FRMD4B: variants seen among roughly 807,000 people sequenced by gnomAD.
FRMD4B encodes FERM domain-containing protein 4B.
FRMD4B carries 74 observed loss-of-function variants against 141.5 expected under a neutral mutation model. The ratio of observed to expected loss-of-function variants is 0.52; its 90% CI spans 0.43 to 0.63. The LOEUF is 0.63. Ranked by LOEUF, FRMD4B falls within the 30% of genes least tolerant of loss-of-function variation. The pLI is 0.00. For synonymous variants in FRMD4B, 506 were observed against 467.9 expected, an observed-to-expected ratio of 1.08 and a Z score of -1.05; for missense variants, 1,366 against 1,253.4, an observed-to-expected ratio of 1.09 and a Z score of -1.36.
At chr3:69,329,506 T>C (rs182650368) in intron 1 of FRMD4B, among the ~76,000 whole-genome samples, 5 of 135,842 alleles carry the variant, frequency 3.7e-5, no homozygotes, top group Admixed American at 7.7e-5. Context: ...TGCACCACCA[T>C]GCCCAGCTAA....
intron 1 of FRMD4B, among the ~76,000 whole-genome samples, chr3:69,348,022 C>CA (rs1489074795): frequency 2.0e-5 from 3 of 151,912 alleles, no homozygotes; most frequent in South Asian, 2.1e-4. Flanking sequence ...AAAAACCCTT[C>CA]AAAAAATCAA....
Position 69,313,217 on chromosome 3 carries a change from G to A in FRMD4B, c.228+235C>T, listed in dbSNP as rs1701662769. ...CTGAGACTGGAACTCAAGTGTCTCT[G>A]AATCCATGTCACCAGGCTATAATTA... On this transcript the variant is annotated intron_variant, in intron 2 of 22. Transcript: ENST00000398540. Among the ~76,000 whole-genome samples the A allele has an allele frequency of 4.6e-5, 7 of 152,324 alleles. No homozygotes were observed. The South Asian group carries it at 1.4e-3, about 32-fold the overall frequency.
chr3:69,363,108 C>T (rs1424899667), intron 1 of FRMD4B, among the ~76,000 whole-genome samples: 5 of 152,016 alleles, frequency 3.3e-5, no homozygotes, highest in African/African-American at 7.2e-5. Flanking sequence ...TTAGCAATAT[C>T]GTAAAAGTCC....
chr3:69,305,532 A>T (rs1313283107), intron 3 of FRMD4B, among the ~76,000 whole-genome samples: 1 of 152,246 alleles, frequency 6.6e-6, no homozygotes. Flanking sequence ...TGTGTCTTAA[A>T]ATACATAACA....
At chr3:69,493,137 C>A (rs1303077484) in intron 1 of FRMD4B, among the ~76,000 whole-genome samples, 3 of 152,238 alleles carry the variant, frequency 2.0e-5, no homozygotes, top group African/African-American at 7.2e-5. Context: ...CTCACACTCA[C>A]ATGCATGACT....
intron 1 of FRMD4B, among the ~76,000 whole-genome samples, chr3:69,514,686 T>TTAAA (rs58643773): frequency 0.32 from 46,357 of 142,884 alleles, 7,825 homozygotes; most frequent in Admixed American, 0.48. Context: ...AGACTCCATC[T>TTAAA]TAAATAAATA....
intron 1 of FRMD4B, among the ~76,000 whole-genome samples, chr3:69,477,300 C>T (rs1706018652): frequency 6.7e-6 from 1 of 148,258 alleles, no homozygotes; most frequent in Non-Finnish European, 1.5e-5. Flanking sequence ...AAAGGGAATG[C>T]TTCCAGTTTT....
chr3:69,491,005 C>A (rs1176154474), intron 1 of FRMD4B, among the ~76,000 whole-genome samples: 1 of 152,126 alleles, frequency 6.6e-6, no homozygotes, highest in Non-Finnish European at 1.5e-5. Context: ...GAGACTGATT[C>A]CAGAAAAATA....
chr3:69,482,154 T>C (rs1045187304), intron 1 of FRMD4B, among the ~76,000 whole-genome samples: 4 of 152,210 alleles, frequency 2.6e-5, no homozygotes, highest in African/African-American at 9.6e-5. Context: ...GCAAAAGTTT[T>C]CCTGCAGACC....
chr3:69,307,394 G>A (rs1238891627), intron 3 of FRMD4B, among the ~76,000 whole-genome samples: 1 of 152,128 alleles, frequency 6.6e-6, no homozygotes, highest in Non-Finnish European at 1.5e-5. Context: ...CACCCAGGCT[G>A]GAGTGGCACA....
At chr3:69,254,606 C>A (rs2093481891) in intron 5 of FRMD4B, among the ~76,000 whole-genome samples, 2 of 152,116 alleles carry the variant, frequency 1.3e-5, no homozygotes, top group Non-Finnish European at 2.9e-5. Flanking sequence ...CATGAGCCTC[C>A]TGATCATAAG....
At chr3:69,431,654 G>A (rs1193068153) in intron 2 of FRMD4B, among the ~76,000 whole-genome samples, 2 of 152,272 alleles carry the variant, frequency 1.3e-5, no homozygotes, top group East Asian at 1.9e-4. Context: ...TACAGATGAG[G>A]AAACTGAGGC....
intron 2 of FRMD4B, among the ~76,000 whole-genome samples, chr3:69,416,241 T>A (rs1704857263): frequency 6.6e-6 from 1 of 152,190 alleles, no homozygotes; most frequent in Non-Finnish European, 1.5e-5. Context: ...AAAGCAGGTG[T>A]TCCAAGGATC....
chr3:69,461,590 C>A (rs1575810526), intron 1 of FRMD4B, among the ~76,000 whole-genome samples: 1 of 136,304 alleles, frequency 7.3e-6, no homozygotes, highest in African/African-American at 2.8e-5. Flanking sequence ...CATCACTGCA[C>A]TCCGCCCTGG....
intron 1 of FRMD4B, among the ~76,000 whole-genome samples, chr3:69,499,585 A>T (rs971970278): frequency 6.6e-6 from 1 of 152,188 alleles, no homozygotes; most frequent in Admixed American, 6.5e-5. Flanking sequence ...TGATGATGCA[A>T]TCCACATCTC....
intron 1 of FRMD4B, among the ~76,000 whole-genome samples, chr3:69,363,287 G>A (rs1433221798): frequency 8.0e-6 from 1 of 124,972 alleles, no homozygotes; most frequent in African/African-American, 3.3e-5. Context: ...GTCTTGCCAT[G>A]TTGCCCGGGC....
intron 2 of FRMD4B, among the ~76,000 whole-genome samples, 179 bp downstream of exon 2, chr3:69,313,273 C>G (rs913609153): frequency 6.6e-6 from 1 of 152,222 alleles, no homozygotes. Flanking sequence ...TTTCTGACTT[C>G]GAAGATGTTT....
At chr3:69,255,537 C>T (rs2093487212) in intron 5 of FRMD4B, among the ~76,000 whole-genome samples, 1 of 151,904 alleles carries the variant, frequency 6.6e-6, no homozygotes. Context: ...AAAGCAAGAC[C>T]CCATCTCTTA....
chr3:69,191,276 C>G (rs1039056932), intron 17 of FRMD4B, among the ~76,000 whole-genome samples: 4 of 151,998 alleles, frequency 2.6e-5, no homozygotes, highest in Non-Finnish European at 4.4e-5. Context: ...AAAAATTAGC[C>G]AAGCATGGTG....
Sources: allele counts gnomAD v4.1 joint callset (sites outside exome capture counted in the v4.1 genomes callset), GRCh38; gene constraint gnomAD v4.1.1; transcripts MANE v1.5; gene names NCBI Gene and HGNC (gene_info 2026-07-23, HGNC 2026-07-21).